Variants in OR51B5 observed in about 807,000 individuals in gnomAD.
The protein encoded by OR51B5 is olfactory receptor family 51 subfamily B member 5.
For synonymous variants in OR51B5, 186 were observed against 144.8 expected, an observed-to-expected ratio of 1.28 and a Z score of -2.04; for missense variants, 456 against 374.6, an observed-to-expected ratio of 1.22 and a Z score of -1.79.
At chr11:5,352,448 A>G (rs1425491297) in intron 1 of OR51B5, 1 of 1,553,494 alleles carries the variant, frequency 6.4e-7, no homozygotes, top group Admixed American at 1.7e-5. Flanking sequence ...AGAGCATGAC[A>G]TTGTTTCACT....
chr11:5,474,462 A>T (rs1205464146), intron 1 of OR51B5, among the ~76,000 whole-genome samples: 1 of 149,610 alleles, frequency 6.7e-6, no homozygotes, highest in East Asian at 2.0e-4. Flanking sequence ...TGATTTAATG[A>T]ACTGTTTTTT....
intron 1 of OR51B5, among the ~76,000 whole-genome samples, chr11:5,412,705 C>A (rs10838061): frequency 0.89 from 134,552 of 151,956 alleles, 59,612 homozygotes; most frequent in Admixed American, 0.91. Context: ...CAGCAGTCTG[C>A]GATCAAACTG....
chr11:5,378,099 G>C (rs1849555261), intron 1 of OR51B5, among the ~76,000 whole-genome samples: 1 of 151,784 alleles, frequency 6.6e-6, no homozygotes, highest in Non-Finnish European at 1.5e-5. Context: ...CATGTTACTG[G>C]TACCAAAACA....
intron 1 of OR51B5, chr11:5,389,250 T>C: frequency 1.3e-6 from 1 of 776,938 alleles, no homozygotes; most frequent in South Asian, 1.7e-5. Flanking sequence ...TTCAATAAAG[T>C]AGTGAGATTG....
chr11:5,500,507 C>A (rs1046681702), intron 1 of OR51B5, among the ~76,000 whole-genome samples: 2 of 129,446 alleles, frequency 1.5e-5, no homozygotes, highest in Non-Finnish European at 3.6e-5. Flanking sequence ...TAGTTTGGGA[C>A]CTTCATAAAA....
intron 1 of OR51B5, chr11:5,453,500 C>A: frequency 6.4e-7 from 1 of 1,550,806 alleles, no homozygotes; most frequent in South Asian, 1.3e-5. Context: ...TGGGGTTGTT[C>A]AATGTCACTC....
intron 1 of OR51B5, among the ~76,000 whole-genome samples, chr11:5,470,284 G>T (rs997519437): frequency 6.6e-6 from 1 of 152,132 alleles, no homozygotes; most frequent in Non-Finnish European, 1.5e-5. Flanking sequence ...ATTCAAATAT[G>T]TCCCACCCAT....
chr11:5,427,501 G>T (rs376744984), intron 1 of OR51B5, among the ~76,000 whole-genome samples: 139 of 152,342 alleles, frequency 9.1e-4, no homozygotes, highest in African/African-American at 3.2e-3. Context: ...GCCTAATATA[G>T]ATGCAGATAA....
exon 1 of OR51B5, chr11:5,343,478 G>A (rs200657676): frequency 1.3e-5 from 19 of 1,462,492 alleles, no homozygotes; most frequent in Non-Finnish European, 1.7e-5. Context: ...CTCCAAGCCT[G>A]GAAAACCAGT....
intron 1 of OR51B5, among the ~76,000 whole-genome samples, chr11:5,466,736 C>T (rs1204137072): frequency 6.6e-6 from 1 of 152,178 alleles, no homozygotes; most frequent in Admixed American, 6.5e-5. Context: ...GCTTTTATAG[C>T]TTTGCAGCTC....
At chr11:5,503,338 C>T (rs1316337622) in intron 1 of OR51B5, among the ~76,000 whole-genome samples, 1 of 152,156 alleles carries the variant, frequency 6.6e-6, no homozygotes, top group African/African-American at 2.4e-5. Flanking sequence ...ATGAAAAAAA[C>T]TGTCATTCAA....
At chr11:5,432,487 T>A (rs550362760) in intron 1 of OR51B5, among the ~76,000 whole-genome samples, 39 of 152,344 alleles carry the variant, frequency 2.6e-4, no homozygotes, top group Middle Eastern at 3.4e-3. Flanking sequence ...AATAATACTA[T>A]TCTTTCTGGT....
intron 1 of OR51B5, among the ~76,000 whole-genome samples, chr11:5,492,642 G>A (rs994649219): frequency 3.5e-4 from 54 of 152,206 alleles, no homozygotes; most frequent in Admixed American, 6.5e-4. Context: ...TACCAACTCT[G>A]GAATCCAAGA....
chr11:5,448,355 G>A (rs929219142), intron 1 of OR51B5, among the ~76,000 whole-genome samples: 18 of 152,122 alleles, frequency 1.2e-4, no homozygotes, highest in East Asian at 3.9e-4. Flanking sequence ...ACTGATAAAC[G>A]TACCTTTCTG....
At chr11:5,413,128 G>A (rs1425444058) in intron 1 of OR51B5, among the ~76,000 whole-genome samples, 4 of 152,134 alleles carry the variant, frequency 2.6e-5, no homozygotes, top group South Asian at 2.1e-4. Context: ...CGCGGTTCAC[G>A]AAAAACCACT....
intron 1 of OR51B5, among the ~76,000 whole-genome samples, chr11:5,474,887 G>C (rs1440023706): frequency 6.6e-6 from 1 of 152,112 alleles, no homozygotes; most frequent in African/African-American, 2.4e-5. Context: ...GAGTAAGTTT[G>C]GGGTGGTAGG....
At chr11:5,466,786 C>T (rs544638221) in intron 1 of OR51B5, among the ~76,000 whole-genome samples, 1 of 152,284 alleles carries the variant, frequency 6.6e-6, no homozygotes, top group South Asian at 2.1e-4. Context: ...CTCAAAGTAG[C>T]ACTTTCTTTG....
rs138297272 is a variant in OR51B5, at chr11:5,473,609, G to A, written n.84+31960C>T. 4.8e-3 allele frequency among the ~76,000 whole-genome samples: 736 copies of A among 152,236 alleles called. 9 individuals carry two copies. The highest frequency in any genetic ancestry group is 0.017 in the African/African-American group (699 of 41,550). ...ACACAGTTAGCTCATTTAGTTATCA[G>A]TGAAAACCTTATGAATACATTTTAT... On this transcript the variant is annotated intron_variant and non_coding_transcript_variant, in intron 1 of 4. Transcript: ENST00000415970.
chr11:5,473,700 G>A (rs1204977817), intron 1 of OR51B5, among the ~76,000 whole-genome samples: 1 of 152,128 alleles, frequency 6.6e-6, no homozygotes, highest in African/African-American at 2.4e-5. Context: ...AGCATCAGAA[G>A]AGTATTCAAA....
Sources: allele counts gnomAD v4.1 joint callset (sites outside exome capture counted in the v4.1 genomes callset), GRCh38; gene constraint gnomAD v4.1.1; transcripts MANE v1.5; gene names NCBI Gene and HGNC (gene_info 2026-07-23, HGNC 2026-07-21).